Variants in FFAR4 observed in about 807,000 individuals in gnomAD.
FFAR4 encodes the protein G-protein coupled receptor 120.
A neutral mutation model predicts 27.0 loss-of-function variants in FFAR4; 19 were observed. The ratio of observed to expected loss-of-function variants is 0.70; its 90% CI spans 0.49 to 1.03. The LOEUF is 1.03. Among genes scored for constraint, FFAR4 ranks in the 50% least tolerant of loss-of-function variants. The pLI, the probability that FFAR4 is intolerant of heterozygous loss-of-function variation, is 0.00. For missense variants in FFAR4, 476 were observed against 479.0 expected (o/e 0.99, Z 0.06); for synonymous variants, 254 against 215.6 (o/e 1.18, Z -1.56).
intron 1 of FFAR4, among the ~76,000 whole-genome samples, chr10:93,575,562 C>T (rs752216579): frequency 6.6e-6 from 1 of 152,212 alleles, no homozygotes; most frequent in Non-Finnish European, 1.5e-5. Context: ...GCTCGACACA[C>T]TTTAGACACC....
rs1464855440 is a variant in FFAR4, at chr10:93,587,864, T to A, written c.*255T>A. 2.7e-6 allele frequency: 1 copy of A among 365,562 alleles called. No homozygotes were observed. The highest frequency in any genetic ancestry group is 2.1e-5 in the African/African-American group (1 of 48,522). The allele number at this position is 365,562 out of a possible 1,614,324, so 22.6% of individuals were successfully genotyped here. ...AGTTTGGGAGGCTGAGGTGGGTGGA[T>A]CACCTGAGGTCAGGAGTTCGAGACC... On this transcript the variant is annotated 3_prime_UTR_variant, in exon 3 of 3. Coordinates refer to ENST00000371481, the MANE Select transcript of FFAR4 (RefSeq NM_001195755.2).
In FFAR4 at chr10:93,567,155, C is replaced by T. The variant is rs377545935; in HGVS notation, c.435C>T (p.Arg145=). ...ERMVCIVHLQ[R]GVRGPGRRAR... ...TGGTGTGCATCGTGCACCTGCAGCGCGGCGTGCGGGGTCCTGGGCGGCGGG... is the reference window on the plus strand; with the variant it reads ...TGGTGTGCATCGTGCACCTGCAGCGTGGCGTGCGGGGTCCTGGGCGGCGGG... The change falls in exon 1 of 3, where the codon CGC becomes CGT. Residue 145 remains arginine, a synonymous_variant. Transcript: ENST00000371481. 151 of 1,605,076 alleles carry T rather than the reference C, an allele frequency of 9.4e-5. No homozygotes were observed. The highest frequency in any genetic ancestry group is 1.3e-4 in the Admixed American group (8 of 59,756).
In FFAR4 at chr10:93,589,014, C is replaced by G. The variant is rs2058247245; in HGVS notation, c.*1405C>G. On this transcript the variant is annotated 3_prime_UTR_variant, in exon 3 of 3. Coordinates refer to ENST00000371481, the MANE Select transcript of FFAR4 (RefSeq NM_001195755.2). ...TCAAAAGGTAAGCGACAAGAAAGGG[C>G]CACCTGTGTGAATGGGGGAAGGGAC... 6.6e-6 allele frequency: 1 copy of G among 152,238 alleles called. No homozygotes were observed. The highest frequency in any genetic ancestry group is 1.5e-5 in the Non-Finnish European group (1 of 68,086). The allele number at this position is 152,238 out of a possible 1,614,324, so 9.4% of individuals were successfully genotyped here.
chr10:93,567,372 C>A, intron 1 of FFAR4, 85 bp downstream of exon 1: 1 of 1,177,156 alleles, frequency 8.5e-7, no homozygotes, highest in Non-Finnish European at 1.2e-6. Flanking sequence ...TGAGGATGAT[C>A]AAGAACAACA....
rs1589681210 is a variant in FFAR4, at chr10:93,588,147, G to A, written c.*538G>A. The A allele has an allele frequency of 6.6e-6, 1 of 151,482 alleles. No homozygotes were observed. The highest frequency in any genetic ancestry group is 1.9e-4 in the East Asian group (1 of 5,154). The allele number at this position is 151,482 out of a possible 1,614,324, so 9.4% of individuals were successfully genotyped here. A position where few individuals can be genotyped will look rare whatever the true frequency, so the allele number is the denominator to read the frequency against. ...TTCCTTTTAAATGTGAACTTTTTTA[G>A]TGTGTTTGTAATATGATCAAATTTA... is the stretch of plus-strand genomic sequence containing the variant. On this transcript the variant is annotated 3_prime_UTR_variant, in exon 3 of 3. Coordinates refer to ENST00000371481, the MANE Select transcript of FFAR4 (RefSeq NM_001195755.2).
In FFAR4 at chr10:93,574,324, C is replaced by T. The variant is rs183299310; in HGVS notation, c.568-1767C>T. On this transcript the variant is annotated intron_variant, in intron 1 of 2. Transcript: ENST00000371481. ...AAGGCTTTTGGAAAGAGTTGGGGGT[C>T]TTAAGAAAAGCTTCTGTGTGTCCTC... Among the ~76,000 whole-genome samples the T allele has an allele frequency of 2.0e-3, 311 of 152,246 alleles. 1 individual carries two copies. Among genetic ancestry groups the T allele is most frequent in the African/African-American group, 7.0e-3 (291 of 41,536 alleles).
chr10:93,566,704 G>C lies in FFAR4; in HGVS notation c.-17G>C. ...TGAGCACTCTCTCAGACCGCTGCGG[G>C]CCGCCAGGCGCCGGGAATGTCCCCT... On this transcript the variant is annotated 5_prime_UTR_variant, in exon 1 of 3. Coordinates refer to ENST00000371481, the MANE Select transcript of FFAR4 (RefSeq NM_001195755.2). 6.5e-7 allele frequency: 1 copy of C among 1,531,654 alleles called. No individual in the cohort carries two copies. Among genetic ancestry groups the C allele is most frequent in the Non-Finnish European group, 8.8e-7 (1 of 1,139,024 alleles). The allele number at this position is 1,531,654 out of a possible 1,614,324, so 94.9% of individuals were successfully genotyped here. A position where few individuals can be genotyped will look rare whatever the true frequency, so the allele number is the denominator to read the frequency against.
intron 1 of FFAR4, among the ~76,000 whole-genome samples, chr10:93,571,677 G>T (rs2058132403): frequency 6.6e-6 from 1 of 152,182 alleles, no homozygotes; most frequent in Non-Finnish European, 1.5e-5. Context: ...GCTTGCTTTT[G>T]TTATGATTAG....
At chr10:93,584,874 T>G (rs10748606) in intron 2 of FFAR4, among the ~76,000 whole-genome samples, 151,707 of 152,066 alleles carry the variant, frequency 1, 75,676 homozygotes, top group Middle Eastern at 1. Context: ...ACCCTGCTCA[T>G]TTTTTTGTAT....
chr10:93,586,926 A>G (rs2058230542), intron 2 of FFAR4, among the ~76,000 whole-genome samples: 1 of 152,178 alleles, frequency 6.6e-6, no homozygotes, highest in South Asian at 2.1e-4. Flanking sequence ...TTAAAGAGAC[A>G]TCTCTTTTAA....
intron 1 of FFAR4, among the ~76,000 whole-genome samples, chr10:93,572,169 G>C (rs953445514): frequency 6.6e-6 from 1 of 152,170 alleles, no homozygotes; most frequent in Non-Finnish European, 1.5e-5. Flanking sequence ...ACTTCAGTGG[G>C]GACTCCAGAC....
At chr10:93,579,755 A>G (rs2058187930) in intron 2 of FFAR4, among the ~76,000 whole-genome samples, 2 of 152,318 alleles carry the variant, frequency 1.3e-5, no homozygotes, top group South Asian at 2.1e-4. Context: ...AAAGGGGTCT[A>G]CAGGGTCGTC....
Position 93,567,271 on chromosome 10 carries a change from T to G in FFAR4, c.551T>G (p.Leu184Arg). 6.3e-7 allele frequency: 1 copy of G among 1,599,336 alleles called. No individual in the cohort carries two copies. The highest frequency in any genetic ancestry group is 8.5e-7 in the Non-Finnish European group (1 of 1,179,510). ...CVFFRVVPQR[L>R]PGADQEISIC... ...TTCTTCCGAGTCGTCCCGCAACGGCTCCCCGGCGCCGACCAGGTGAGCGCC... is the reference window on the plus strand; with the variant it reads ...TTCTTCCGAGTCGTCCCGCAACGGCGCCCCGGCGCCGACCAGGTGAGCGCC... The change falls in exon 1 of 3, where the codon CTC becomes CGC. Residue 184 changes from leucine to arginine, a missense_variant. Coordinates refer to ENST00000371481, the MANE Select transcript of FFAR4 (RefSeq NM_001195755.2).
intron 2 of FFAR4, among the ~76,000 whole-genome samples, chr10:93,584,988 A>T (rs1008566483): frequency 4.6e-5 from 7 of 152,236 alleles, no homozygotes; most frequent in Non-Finnish European, 1.0e-4. Flanking sequence ...GATTCCAGGC[A>T]TGAGCCACTG....
At chr10:93,578,416 C>CAAAAAAAAAAAAAAAAAAAA (rs762326870) in intron 2 of FFAR4, among the ~76,000 whole-genome samples, 1 of 60,200 alleles carries the variant, frequency 1.7e-5, no homozygotes. Flanking sequence ...GATTCCCTCT[C>CAAAAAAAAAAAAAAAAAAAA]AAAAAAAAAA....
rs575115022 is a variant in FFAR4 at position 93,570,565 on chromosome 10, G to T, written c.567+3278G>T. Among the ~76,000 whole-genome samples the T allele has an allele frequency of 9.9e-5, 15 of 152,196 alleles. No individual in the cohort carries two copies. The South Asian group carries it at 2.3e-3, about 23-fold the overall frequency. ...GATATTTTCCTAACCCAAACCACACGCTGAGAGAATCAACCAAGCCTAAGC... is the reference window on the plus strand; with the variant it reads ...GATATTTTCCTAACCCAAACCACACTCTGAGAGAATCAACCAAGCCTAAGC... On this transcript the variant is annotated intron_variant, in intron 1 of 2. Transcript: ENST00000371481.
chr10:93,580,434 G>A (rs2058190568), intron 2 of FFAR4, among the ~76,000 whole-genome samples: 1 of 152,154 alleles, frequency 6.6e-6, no homozygotes, highest in Non-Finnish European at 1.5e-5. Flanking sequence ...TTGCTCTAAA[G>A]CAGTGTGTCT....
chr10:93,582,959 A>G (rs1053643643), intron 2 of FFAR4, among the ~76,000 whole-genome samples: 10 of 152,148 alleles, frequency 6.6e-5, no homozygotes, highest in African/African-American at 2.4e-4. Flanking sequence ...CTCATTCACT[A>G]TCACAAGAAC....
At chr10:93,573,664 AG>A (rs2134543772) in intron 1 of FFAR4, among the ~76,000 whole-genome samples, 1 of 152,318 alleles carries the variant, frequency 6.6e-6, no homozygotes, top group South Asian at 2.1e-4. Flanking sequence ...CCCCCAAGCC[AG>A]TTGCACTGCC....
Sources: gnomAD v4.1 joint callset for allele counts (sites outside exome capture counted in the v4.1 genomes callset) on GRCh38, gnomAD v4.1.1 for gene constraint, MANE v1.5 for transcripts, NCBI Gene and HGNC (gene_info 2026-07-23, HGNC 2026-07-21) for gene names.